Variants in STK31 observed in about 807,000 individuals in gnomAD.
The protein encoded by STK31 is serine/threonine kinase 31, also known as serine/threonine-protein kinase 31.
Under a neutral mutation model 129.7 loss-of-function variants are expected in STK31, and 89 were observed. The observed-to-expected ratio is 0.69, with a 90% CI of 0.58 to 0.82. The LOEUF (loss-of-function observed/expected upper bound fraction) is 0.82. STK31 is among the 40% of genes least tolerant of loss of function. The probability of loss-of-function intolerance (pLI) is 0.00; values close to 1 mark genes in which losing one functional copy is unlikely to be tolerated. For synonymous variants in STK31, 448 were observed against 395.3 expected (o/e 1.13, Z -1.58); for missense variants, 1,187 against 1,176.4 (o/e 1.01, Z -0.13).
chr7:23,749,531 T>TGGG lies in STK31; in HGVS notation c.1018-3183_1018-3181dup, dbSNP rs138533739. 6.8e-4 allele frequency among the ~76,000 whole-genome samples: 99 copies of TGGG among 145,208 alleles called. 1 individual carries two copies. The highest frequency in any genetic ancestry group is 3.6e-3 in the Middle Eastern group (1 of 276). ...CTAATTTTTGCTTTTTTTTTTTTTT[T>TGGG]GGGGGTAGAGACCATTTTGTCTTGT... On this transcript the variant is annotated intron_variant, in intron 8 of 23. Coordinates refer to ENST00000355870, the MANE Select transcript of STK31 (RefSeq NM_031414.5).
intron 8 of STK31, among the ~76,000 whole-genome samples, chr7:23,751,695 C>A (rs893840513): frequency 1.1e-4 from 17 of 151,924 alleles, no homozygotes; most frequent in Non-Finnish European, 1.9e-4. Context: ...CTGTTTTATT[C>A]CCTTTTGTTC....
chr7:23,828,039 T>G (rs1200772671), intron 23 of STK31, among the ~76,000 whole-genome samples: 1 of 152,020 alleles, frequency 6.6e-6, no homozygotes, highest in Non-Finnish European at 1.5e-5. Context: ...TACTCGGGAG[T>G]CAGGGACCCA....
chr7:23,827,742 T>C (rs940816175), intron 23 of STK31, among the ~76,000 whole-genome samples: 4 of 152,184 alleles, frequency 2.6e-5, no homozygotes, highest in Admixed American at 1.3e-4. Flanking sequence ...CCTTTGGTCT[T>C]TGATGATGGT....
chr7:23,807,473 A>G (rs1792780135), intron 22 of STK31, among the ~76,000 whole-genome samples: 1 of 151,898 alleles, frequency 6.6e-6, no homozygotes, highest in African/African-American at 2.4e-5. Flanking sequence ...CAGTTTCAAG[A>G]TTTTTGTTTT....
At chr7:23,782,585 C>A (rs1301316900) in intron 16 of STK31, among the ~76,000 whole-genome samples, 1 of 151,422 alleles carries the variant, frequency 6.6e-6, no homozygotes, top group Non-Finnish European at 1.5e-5. Context: ...TATGTAAATA[C>A]CTTATGGACC....
At chr7:23,807,274 G>A (rs117138212) in intron 22 of STK31, among the ~76,000 whole-genome samples, 2,824 of 152,158 alleles carry the variant, frequency 0.019, 34 homozygotes, top group South Asian at 0.028. Flanking sequence ...TTATCTGAGA[G>A]CATCTTGATG....
intron 11 of STK31, among the ~76,000 whole-genome samples, chr7:23,768,645 T>C (rs1256902432): frequency 6.6e-6 from 1 of 152,138 alleles, no homozygotes; most frequent in African/African-American, 2.4e-5. Flanking sequence ...AAGCCCAGAC[T>C]TTACCACTAC....
chr7:23,823,734 T>C (rs1175368684), intron 23 of STK31, among the ~76,000 whole-genome samples: 2 of 152,250 alleles, frequency 1.3e-5, no homozygotes, highest in African/African-American at 4.8e-5. Context: ...GTTTTAGGTC[T>C]AACATGTAAG....
chr7:23,750,073 CCCG>C lies in STK31; in HGVS notation c.1018-2641_1018-2639del, dbSNP rs1788618779. Among the ~76,000 whole-genome samples the C allele has an allele frequency of 2.5e-5, 3 of 122,198 alleles. 1 individual carries two copies. Among genetic ancestry groups the C allele is most frequent in the Admixed American group, 1.7e-4 (2 of 11,744 alleles). The allele number at this position is 122,198 out of a possible 152,430, so 80.2% of individuals were successfully genotyped here. A position where few individuals can be genotyped will look rare whatever the true frequency, so the allele number is the denominator to read the frequency against. ...TATTTCAGAATGGTTTGTTTCCCCCCCCGCCACTGCTGGAAACATGAGGGGATT... is the reference window on the plus strand; with the variant it reads ...TATTTCAGAATGGTTTGTTTCCCCCCCCACTGCTGGAAACATGAGGGGATT... On this transcript the variant is annotated intron_variant, in intron 8 of 23. Coordinates refer to ENST00000355870, the MANE Select transcript of STK31 (RefSeq NM_031414.5).
chr7:23,737,043 G>C lies in STK31; in HGVS notation c.982G>C (p.Glu328Gln). Reference protein sequence around the residue: ...DALLESYKALELKVEQIAQEL... With the variant: ...DALLESYKALQLKVEQIAQEL... The stretch of plus-strand genomic sequence containing the variant: ...TCTTCTTGAAAGTTATAAGGCGTTA[G>C]AATTGAAAGTAGAGCAGATTGCCCA... The change falls in exon 8 of 24, where the codon GAA becomes CAA. Residue 328 changes from glutamate (E) to glutamine (Q), a missense_variant. Glu to Gln is a conservative substitution (Grantham distance 29). Transcript: ENST00000355870. 1.2e-6 allele frequency: 2 copies of C among 1,610,832 alleles called. No individual in the cohort carries two copies. Among genetic ancestry groups the C allele is most frequent in the Non-Finnish European group, 1.7e-6 (2 of 1,179,462 alleles).
At position 23,734,371 on chromosome 7, in the gene STK31, A is replaced by G. The variant is rs114070863; in HGVS notation, c.484-1167A>G. ...TTATATATTCCGAAAAAGAATACTT[A>G]CTTTTAATTTCCTTTATAGTACGCA... On this transcript the variant is annotated intron_variant, in intron 6 of 23. Transcript: ENST00000355870. Among the ~76,000 whole-genome samples the G allele has an allele frequency of 3.2e-3, 483 of 152,328 alleles. 5 individuals are homozygous for G. The highest frequency in any genetic ancestry group is 0.011 in the African/African-American group (460 of 41,576).
chr7:23,721,228 C>G, intron 4 of STK31: 1 of 384,938 alleles, frequency 2.6e-6, no homozygotes, highest in East Asian at 4.1e-5. Flanking sequence ...AGAAATAATT[C>G]TCTCTCTTAA....
At chr7:23,795,103 G>A (rs1446316449) in intron 22 of STK31, among the ~76,000 whole-genome samples, 1 of 152,200 alleles carries the variant, frequency 6.6e-6, no homozygotes, top group African/African-American at 2.4e-5. Context: ...GTATCTCCAG[G>A]GCATGTCAGA....
chr7:23,737,457 TAGA>T (rs1408576885), intron 8 of STK31, among the ~76,000 whole-genome samples: 1 of 152,236 alleles, frequency 6.6e-6, no homozygotes, highest in East Asian at 1.9e-4. Flanking sequence ...TGGATTATTT[TAGA>T]AGAAGTCCCA....
At chr7:23,713,318 A>G (rs1474738824) in intron 3 of STK31, among the ~76,000 whole-genome samples, 6 of 152,192 alleles carry the variant, frequency 3.9e-5, no homozygotes, top group Admixed American at 6.5e-5. Flanking sequence ...GTACACCTGT[A>G]TAGGGCACTC....
At chr7:23,737,529 C>G (rs1346503568) in intron 8 of STK31, among the ~76,000 whole-genome samples, 3 of 152,116 alleles carry the variant, frequency 2.0e-5, no homozygotes, top group African/African-American at 7.2e-5. Flanking sequence ...TTTAAAAAAC[C>G]GTAATAATAA....
chr7:23,756,363 C>G (rs1312762519), intron 10 of STK31, among the ~76,000 whole-genome samples: 1 of 152,174 alleles, frequency 6.6e-6, no homozygotes, highest in Non-Finnish European at 1.5e-5. Context: ...TGAGACTTTG[C>G]TGCAGTTGCC....
At chr7:23,753,651 AG>A (rs1246320439) in intron 9 of STK31, among the ~76,000 whole-genome samples, 5 of 152,314 alleles carry the variant, frequency 3.3e-5, no homozygotes, top group Middle Eastern at 3.4e-3. Context: ...CTGTGGTGGT[AG>A]GGGGCGCTTC....
At chr7:23,776,522 T>C (rs1411228358) in intron 15 of STK31, among the ~76,000 whole-genome samples, 1 of 152,228 alleles carries the variant, frequency 6.6e-6, no homozygotes, top group Non-Finnish European at 1.5e-5. Context: ...ATTGTTGGTC[T>C]ATTCAGGGAT....
Sources: gnomAD v4.1 joint callset for allele counts (sites outside exome capture counted in the v4.1 genomes callset) on GRCh38, gnomAD v4.1.1 for gene constraint, MANE v1.5 for transcripts, NCBI Gene and HGNC (gene_info 2026-07-23, HGNC 2026-07-21) for gene names.